The following ADAMTS17 variants were observed in gnomAD, a reference collection of about 807,000 sequenced individuals.
The protein encoded by ADAMTS17 is A disintegrin and metalloproteinase with thrombospondin motifs 17.
ADAMTS17 carries 113 observed loss-of-function variants against 141.5 expected under a neutral mutation model. The ratio of observed to expected loss-of-function variants is 0.80; its 90% CI spans 0.69 to 0.93. The LOEUF is 0.93. Among genes scored for constraint, ADAMTS17 ranks in the 40% least tolerant of loss-of-function variants. The pLI is 0.00. For synonymous variants in ADAMTS17, 768 were observed against 630.6 expected, an observed-to-expected ratio of 1.22 and a Z score of -3.27; for missense variants, 1,659 against 1,517.9, an observed-to-expected ratio of 1.09 and a Z score of -1.54.
At chr15:100,027,327 T>TAACATTTACATATTA (rs2061534562) in intron 18 of ADAMTS17, among the ~76,000 whole-genome samples, 1 of 152,246 alleles carries the variant, frequency 6.6e-6, no homozygotes, top group African/African-American at 2.4e-5. Context: ...TCAGAGCATA[T>TAACATTTACATATTA]AACATTTACA....
At chr15:100,144,958 T>C (rs541614362) in intron 10 of ADAMTS17, among the ~76,000 whole-genome samples, 24 of 152,218 alleles carry the variant, frequency 1.6e-4, no homozygotes, top group Non-Finnish European at 3.1e-4. Context: ...GTTTCTTTTC[T>C]TACTTCTCTA....
chr15:100,141,964 C>A (rs1035364744), intron 10 of ADAMTS17, among the ~76,000 whole-genome samples: 2 of 152,228 alleles, frequency 1.3e-5, no homozygotes, highest in Admixed American at 1.3e-4. Context: ...ACCCCGCCAG[C>A]CACCCATTCT....
intron 4 of ADAMTS17, among the ~76,000 whole-genome samples, chr15:100,264,974 TA>T (rs1051090876): frequency 6.6e-6 from 1 of 152,234 alleles, no homozygotes; most frequent in Non-Finnish European, 1.5e-5. Flanking sequence ...TGTATTTTAC[TA>T]CAATTAAAAG....
chr15:100,006,883 T>A (rs2061046403), intron 18 of ADAMTS17, among the ~76,000 whole-genome samples: 1 of 152,064 alleles, frequency 6.6e-6, no homozygotes, highest in Admixed American at 6.6e-5. Context: ...ATAAAAAGGG[T>A]GGCAAACACC....
At chr15:100,123,219 C>T (rs1467039670) in intron 12 of ADAMTS17, among the ~76,000 whole-genome samples, 16 of 152,192 alleles carry the variant, frequency 1.1e-4, no homozygotes, top group Admixed American at 1.0e-3. Context: ...CACCCTCACA[C>T]AGTCTCAGTA....
chr15:100,232,199 T>C (rs1158757776), intron 7 of ADAMTS17, among the ~76,000 whole-genome samples: 2 of 152,204 alleles, frequency 1.3e-5, no homozygotes, highest in African/African-American at 2.4e-5. Flanking sequence ...AGGCTCAGAA[T>C]GGAGAACTTT....
chr15:100,097,491 C>A (rs531690000), intron 14 of ADAMTS17, among the ~76,000 whole-genome samples: 1 of 152,222 alleles, frequency 6.6e-6, no homozygotes, highest in Non-Finnish European at 1.5e-5. Flanking sequence ...GTACTCCCAC[C>A]TGCAGGCAGG....
chr15:100,198,910 G>A (rs1198013237), intron 8 of ADAMTS17, among the ~76,000 whole-genome samples: 1 of 152,202 alleles, frequency 6.6e-6, no homozygotes, highest in Non-Finnish European at 1.5e-5. Context: ...TCTACAATCA[G>A]AAAGTTGGAC....
At chr15:100,088,477 G>A (rs1270240018) in intron 15 of ADAMTS17, among the ~76,000 whole-genome samples, 1 of 152,078 alleles carries the variant, frequency 6.6e-6, no homozygotes, top group Non-Finnish European at 1.5e-5. Context: ...TCACAGAATT[G>A]GAAAAAACTA....
At chr15:100,111,000 A>G (rs559330704) in intron 13 of ADAMTS17, among the ~76,000 whole-genome samples, 2 of 152,314 alleles carry the variant, frequency 1.3e-5, no homozygotes, top group East Asian at 3.9e-4. Flanking sequence ...ACAGCGCTGG[A>G]AAGAAGCTCC....
intron 18 of ADAMTS17, among the ~76,000 whole-genome samples, chr15:100,008,647 G>C (rs181548287): frequency 6.6e-6 from 1 of 152,234 alleles, no homozygotes; most frequent in African/African-American, 2.4e-5. Context: ...AGCCTGAAGA[G>C]TGATCTCGTC....
chr15:100,199,200 T>C lies in ADAMTS17; in HGVS notation c.1181+118A>G, dbSNP rs12148118. ...CTAGTGTACTGACCTGGGTCCTTTA[T>C]TGCAGATGCAGCAAAGGCATAGAGC... On this transcript the variant is annotated intron_variant, in intron 8 of 21. Coordinates refer to ENST00000268070, the MANE Select transcript of ADAMTS17 (RefSeq NM_139057.4). The C allele has an allele frequency of 0.18, 172,723 of 953,412 alleles. 16,643 individuals carry two copies. The highest frequency in any genetic ancestry group is 0.24 in the East Asian group (9,659 of 40,710). 59.1% of individuals were successfully genotyped at this position (953,412 alleles called of 1,614,324 possible). A position where few individuals can be genotyped will look rare whatever the true frequency, so the allele number is the denominator to read the frequency against.
At chr15:100,191,290 G>A (rs2040907769) in intron 8 of ADAMTS17, among the ~76,000 whole-genome samples, 1 of 152,234 alleles carries the variant, frequency 6.6e-6, no homozygotes, top group Non-Finnish European at 1.5e-5. Context: ...AACTCTGGGG[G>A]CAGAGGAAGC....
chr15:100,184,082 G>A (rs1044936151), intron 8 of ADAMTS17, among the ~76,000 whole-genome samples: 2 of 152,174 alleles, frequency 1.3e-5, no homozygotes, highest in Non-Finnish European at 2.9e-5. Flanking sequence ...GCCCACCAGT[G>A]TCCTGGTTGT....
At chr15:100,029,864 C>T (rs1349239282) in intron 18 of ADAMTS17, among the ~76,000 whole-genome samples, 2 of 152,214 alleles carry the variant, frequency 1.3e-5, no homozygotes, top group Non-Finnish European at 2.9e-5. Flanking sequence ...CCTGGACCAG[C>T]ATCATGAGTG....
chr15:100,064,699 G>A lies in ADAMTS17; in HGVS notation c.2138-10645C>T, dbSNP rs192040461. On this transcript the variant is annotated intron_variant, in intron 15 of 21. Coordinates refer to ENST00000268070, the MANE Select transcript of ADAMTS17 (RefSeq NM_139057.4). ...TTTAAGCAGAGTAGGGGGCCAGGACGGCAGGTAGGAAGTGAAGACTCAGGG... is the reference window on the plus strand; with the variant it reads ...TTTAAGCAGAGTAGGGGGCCAGGACAGCAGGTAGGAAGTGAAGACTCAGGG... Among the ~76,000 whole-genome samples, 19 of 152,320 alleles carry A rather than the reference G, an allele frequency of 1.2e-4. No homozygotes were observed. In the East Asian group the frequency reaches 1.3e-3, roughly 11 times the overall value.
chr15:100,078,078 T>A (rs185696326), intron 15 of ADAMTS17, among the ~76,000 whole-genome samples: 1 of 152,298 alleles, frequency 6.6e-6, no homozygotes, highest in East Asian at 1.9e-4. Context: ...CTACAATACA[T>A]TGCTGAAAGG....
intron 20 of ADAMTS17, among the ~76,000 whole-genome samples, chr15:99,988,163 C>G (rs868467667): frequency 2.6e-5 from 4 of 152,010 alleles, no homozygotes; most frequent in African/African-American, 9.7e-5. Flanking sequence ...GGTGTTTGTC[C>G]CACCAAATCT....
intron 8 of ADAMTS17, among the ~76,000 whole-genome samples, chr15:100,166,354 T>C (rs2039951476): frequency 6.6e-6 from 1 of 152,078 alleles, no homozygotes; most frequent in Non-Finnish European, 1.5e-5. Context: ...AATTCTCATT[T>C]TGCTTCATCC....
Sources: gnomAD v4.1 joint callset for allele counts (sites outside exome capture counted in the v4.1 genomes callset) on GRCh38, gnomAD v4.1.1 for gene constraint, MANE v1.5 for transcripts, NCBI Gene and HGNC (gene_info 2026-07-23, HGNC 2026-07-21) for gene names.